The following RTN2 variants were observed in gnomAD, a reference collection of about 807,000 sequenced individuals.
RTN2 encodes reticulon 2, also known as reticulon-2.
Under a neutral mutation model 63.7 loss-of-function variants are expected in RTN2, and 36 were observed. The ratio of observed to expected loss-of-function variants is 0.56; its 90% CI spans 0.43 to 0.75. The LOEUF (loss-of-function observed/expected upper bound fraction) is 0.75. RTN2 is among the 30% of genes least tolerant of loss of function. The pLI is 0.00. For missense variants in RTN2, 673 were observed against 705.1 expected (o/e 0.95, Z 0.52); for synonymous variants, 312 against 313.0 (o/e 1.00, Z 0.03).
At chr19:45,493,822 C>T in intron 4 of RTN2, 1 of 306,976 alleles carries the variant, frequency 3.3e-6, no homozygotes, top group East Asian at 9.4e-5. Flanking sequence ...TGGCTCACTG[C>T]AACCTCTGCC....
Position 45,488,989 on chromosome 19 carries a change from G to A in RTN2, c.1242-3C>T. ...TGAGGTCCACATCCAGGTAGGCCCTGCGGGGACAAAGGAGTGTGGGGCGAC... is the reference window on the plus strand; with the variant it reads ...TGAGGTCCACATCCAGGTAGGCCCTACGGGGACAAAGGAGTGTGGGGCGAC... On this transcript the variant is annotated splice_region_variant and splice_polypyrimidine_tract_variant and intron_variant, in intron 6 of 10. Transcript: ENST00000245923. The A allele has an allele frequency of 6.2e-7, 1 of 1,610,628 alleles. No homozygotes were observed. Among genetic ancestry groups the A allele is most frequent in the Non-Finnish European group, 8.5e-7 (1 of 1,178,658 alleles).
chr19:45,492,997 C>T (rs1268751602), intron 5 of RTN2, among the ~76,000 whole-genome samples, 163 bp downstream of exon 5: 1 of 152,236 alleles, frequency 6.6e-6, no homozygotes, highest in Non-Finnish European at 1.5e-5. Flanking sequence ...CCCATGCTCC[C>T]TCTGGGTCCT....
intron 5 of RTN2, 123 bp from the exon 6 acceptor site, chr19:45,489,676 C>CTT (rs200770145): frequency 0.027 from 13,086 of 493,668 alleles, 12 homozygotes; most frequent in South Asian, 0.032. Flanking sequence ...ACCTGATTTC[C>CTT]TTTTTTTTTT....
chr19:45,492,252 A>T (rs991533317), intron 5 of RTN2, among the ~76,000 whole-genome samples: 8 of 152,034 alleles, frequency 5.3e-5, no homozygotes, highest in African/African-American at 1.7e-4. Context: ...TGACCTTTGT[A>T]CCCCAACCTT....
At chr19:45,486,567 A>G (rs1249916707) in intron 9 of RTN2, among the ~76,000 whole-genome samples, 1 of 152,106 alleles carries the variant, frequency 6.6e-6, no homozygotes, top group Non-Finnish European at 1.5e-5. Context: ...CCTGGAGTGC[A>G]GTGGCATGAT....
chr19:45,496,808 C>T lies in RTN2; in HGVS notation c.18G>A (p.Pro6=), dbSNP rs760223103. The T allele has an allele frequency of 1.1e-5, 17 of 1,521,384 alleles. No homozygotes were observed. In the South Asian group the frequency reaches 1.5e-4, roughly 13 times the overall value. The allele number at this position is 1,521,384 out of a possible 1,614,324, so 94.2% of individuals were successfully genotyped here. A position where few individuals can be genotyped will look rare whatever the true frequency, so the allele number is the denominator to read the frequency against. Residue 6 remains proline, a synonymous_variant, in exon 1 of 11, where the codon CCG becomes CCA. Coordinates refer to ENST00000245923, the MANE Select transcript of RTN2 (RefSeq NM_005619.5). The stretch of plus-strand genomic sequence containing the variant: ...TCTACTCACTGCAGTGGGCGAAGAC[C>T]GGCAGGACCTGCCCCATGGCCCCCC... MGQVL[P]VFAHCKEAPS... is the part of the protein sequence containing the mutation.
In RTN2 at chr19:45,488,685, A is replaced by G; in HGVS notation, c.1402T>C (p.Leu468=). 6.2e-7 allele frequency: 1 copy of G among 1,613,904 alleles called. No homozygotes were observed. ...SLKLALLFYI[L]TFVGAIFNGL... ...TTGAAGATGGCACCCACGAAGGTCA[A>G]GATGTAGAAGAGGAGGGCCAGCTGG... is the stretch of plus-strand genomic sequence containing the variant. Residue 468 remains leucine, a synonymous_variant, in exon 8 of 11, where the codon TTG becomes CTG. Transcript: ENST00000245923.
rs1335314045 is a variant in RTN2 at position 45,485,374 on chromosome 19, C to G, written c.*334G>C. 2 of 330,856 alleles carry G rather than the reference C, an allele frequency of 6.0e-6. No homozygotes were observed. Among genetic ancestry groups the G allele is most frequent in the Non-Finnish European group, 1.1e-5 (2 of 175,512 alleles). The allele number at this position is 330,856 out of a possible 1,614,324, so 20.5% of individuals were successfully genotyped here. A position where few individuals can be genotyped will look rare whatever the true frequency, so the allele number is the denominator to read the frequency against. On this transcript the variant is annotated 3_prime_UTR_variant, in exon 11 of 11. Coordinates refer to ENST00000245923, the MANE Select transcript of RTN2 (RefSeq NM_005619.5). ...CCCATGCAAAGCCCCGGCGTTGGGG[C>G]TAGTAGCATCCAGGAGACACCAACG...
At chr19:45,485,923 C>T (rs915100485) in intron 10 of RTN2, 132 bp downstream of exon 10, 26 of 1,150,820 alleles carry the variant, frequency 2.3e-5, no homozygotes, top group African/African-American at 3.1e-5. Flanking sequence ...TAGTGGCCTA[C>T]ATTGGAATTG....
At chr19:45,496,213 G>A (rs1034008208) in intron 1 of RTN2, among the ~76,000 whole-genome samples, 2 of 152,136 alleles carry the variant, frequency 1.3e-5, no homozygotes, top group Admixed American at 1.3e-4. Context: ...TCCTCAGCTG[G>A]GGAATAGGAG....
At chr19:45,489,222 G>C in intron 6 of RTN2, 124 bp downstream of exon 6, 1 of 975,022 alleles carries the variant, frequency 1.0e-6, no homozygotes, top group Non-Finnish European at 1.5e-6. Context: ...GTAGGTTAGG[G>C]GATCGGGATG....
chr19:45,494,830 G>A lies in RTN2; in HGVS notation c.255C>T (p.Arg85=), dbSNP rs866686676. 4.4e-6 allele frequency: 7 copies of A among 1,603,408 alleles called. No individual in the cohort carries two copies. The highest frequency in any genetic ancestry group is 1.7e-5 in the Admixed American group (1 of 59,992). ...SGGRRDSTAR[R]PRPQGRSVSE... ...AGACTGAGCGGCCCTGGGGGCGGGG[G>A]CGGCGGGCAGTTGAATCCCTGCGGC... Residue 85 remains arginine, a synonymous_variant, in exon 3 of 11, where the codon CGC becomes CGT. Coordinates refer to ENST00000245923, the MANE Select transcript of RTN2 (RefSeq NM_005619.5). The surrounding 1 kb of genome is among the most constrained non-coding windows in gnomAD (Gnocchi z 5.3).
rs199639693 is a variant in RTN2 at position 45,485,692 on chromosome 19, G to T, written c.*16C>A. ...GGGGGCTGGGGGCAGGCGTCCTGCGGGCAGAGACACCGTTCTCATTCGGCT... is the reference window on the plus strand; with the variant it reads ...GGGGGCTGGGGGCAGGCGTCCTGCGTGCAGAGACACCGTTCTCATTCGGCT... On this transcript the variant is annotated 3_prime_UTR_variant, in exon 11 of 11. Coordinates refer to ENST00000245923, the MANE Select transcript of RTN2 (RefSeq NM_005619.5). The T allele has an allele frequency of 3.1e-6, 5 of 1,610,112 alleles. No individual in the cohort carries two copies. Among genetic ancestry groups the T allele is most frequent in the Non-Finnish European group, 4.2e-6 (5 of 1,177,116 alleles).
chr19:45,487,617 G>A (rs1272102204), intron 9 of RTN2, among the ~76,000 whole-genome samples: 1 of 86,796 alleles, frequency 1.2e-5, no homozygotes, highest in Non-Finnish European at 2.1e-5. Context: ...ACAGACTCTT[G>A]CTCTGTCACC....
Position 45,493,277 on chromosome 19 carries a change from C to T in RTN2, c.916G>A (p.Val306Ile), listed in dbSNP as rs181791404. 8 of 1,613,038 alleles carry T rather than the reference C, an allele frequency of 5.0e-6. No individual in the cohort carries two copies. The highest frequency in any genetic ancestry group is 5.9e-6 in the Non-Finnish European group (7 of 1,179,722). ...SPPLWTAIGW[V>I]QRGPTPPTPV... The stretch of plus-strand genomic sequence containing the variant: ...GTAGGGGGGGTGGGGCCCCTTTGGA[C>T]CCAGCCAATGGCTGTCCACAGAGGT... The change falls in exon 5 of 11, where the codon GTC (valine) becomes ATC (isoleucine). Residue 306 changes from valine (V) to isoleucine (I), a missense_variant. Transcript: ENST00000245923.
intron 5 of RTN2, among the ~76,000 whole-genome samples, chr19:45,492,399 G>A (rs889299710): frequency 4.6e-5 from 7 of 152,082 alleles, no homozygotes; most frequent in African/African-American, 7.2e-5. Context: ...TTAGCAGGGC[G>A]TGGTGGCCTG....
At chr19:45,491,356 G>A (rs2122218386) in intron 5 of RTN2, among the ~76,000 whole-genome samples, 1 of 136,030 alleles carries the variant, frequency 7.4e-6, no homozygotes. Context: ...ACGATATCGT[G>A]CTAATTTTTT....
intron 4 of RTN2, 74 bp from the exon 5 acceptor site, chr19:45,493,452 A>G: frequency 8.7e-7 from 1 of 1,146,230 alleles, no homozygotes; most frequent in Non-Finnish European, 1.3e-6. Flanking sequence ...CAGGAAAAAG[A>G]GGGTTTTTGT....
At position 45,485,759 on chromosome 19, in the gene RTN2, G is replaced by C; in HGVS notation, c.1587C>G (p.Ala529=). 2 of 1,614,040 alleles carry C rather than the reference G, an allele frequency of 1.2e-6. No homozygotes were observed. The highest frequency in any genetic ancestry group is 2.2e-5 in the East Asian group (1 of 44,882). The part of the protein sequence containing the change: ...KIRAKIPGTG[A]LASAAAAVSG... ...AGACTGCGGCTGCTGCAGAGGCCAG[G>C]GCTCCGGTCCCTGGGATTTTAGCTC... The change falls in exon 11 of 11, where the codon GCC becomes GCG. Residue 529 remains alanine (A), a synonymous_variant. Transcript: ENST00000245923.
Sources: allele counts gnomAD v4.1 joint callset (sites outside exome capture counted in the v4.1 genomes callset), GRCh38; gene constraint gnomAD v4.1.1; non-coding constraint Gnocchi (gnomAD v3.1); transcripts MANE v1.5; gene names NCBI Gene and HGNC (gene_info 2026-07-23, HGNC 2026-07-21).